The following CREBBP variants were observed in gnomAD, a reference collection of about 807,000 sequenced individuals.
The protein encoded by CREBBP is CREB binding lysine acetyltransferase, also known as CREB-binding protein.
Under a neutral mutation model 265.0 loss-of-function variants are expected in CREBBP, and 19 were observed. That is an observed-to-expected ratio of 0.07 (90% CI 0.05 to 0.11). The LOEUF is 0.11. Ranked by LOEUF, CREBBP falls within the 10% of genes least tolerant of loss-of-function variation. CREBBP has a pLI of 1.00. For missense variants in CREBBP, 2,525 were observed against 3,219.0 expected (o/e 0.78, Z 5.22); for synonymous variants, 1,457 against 1,223.7 (o/e 1.19, Z -3.98).
intron 6 of CREBBP, among the ~76,000 whole-genome samples, chr16:3,782,333 C>T (rs915601963): frequency 6.6e-6 from 1 of 152,170 alleles, no homozygotes; most frequent in Non-Finnish European, 1.5e-5. Context: ...CTGGCAAACA[C>T]AAGTACTCCA....
chr16:3,739,613 T>G lies in CREBBP; in HGVS notation c.4245A>C (p.Gln1415His). 6.2e-7 allele frequency: 1 copy of G among 1,614,244 alleles called. No individual in the cohort carries two copies. The highest frequency in any genetic ancestry group is 8.5e-7 in the Non-Finnish European group (1 of 1,180,048). Residue 1415 changes from glutamine (Q) to histidine (H), a missense_variant, in exon 25 of 31, where the codon CAA (glutamine) becomes CAC (histidine). Around this residue, in one of 19 missense-constraint regions of CREBBP, gnomAD observed 252 missense variants for 452.5 expected, o/e 0.56. Coordinates refer to ENST00000262367, the MANE Select transcript of CREBBP (RefSeq NM_004380.3). ...VDVCFFGMHV[Q>H]EYGSDCPPPN... ...GAGGGGGGCAATCAGAGCCGTATTC[T>G]TGGACGTGCATTCCAAAAAAGCAGA... is the stretch of plus-strand genomic sequence containing the variant.
chr16:3,843,785 G>A (rs1212056798), intron 2 of CREBBP, among the ~76,000 whole-genome samples: 1 of 151,888 alleles, frequency 6.6e-6, no homozygotes, highest in Non-Finnish European at 1.5e-5. Flanking sequence ...TCACTGTAAG[G>A]GTGAAGTCTC....
intron 16 of CREBBP, among the ~76,000 whole-genome samples, chr16:3,761,380 A>G (rs2052713831): frequency 6.6e-6 from 1 of 152,176 alleles, no homozygotes; most frequent in Non-Finnish European, 1.5e-5. Context: ...CCTGCCATCA[A>G]TTCTGTGTGG....
chr16:3,781,346 T>C (rs1567308424), intron 6 of CREBBP, 40 bp from the exon 7 acceptor site: 1 of 1,505,518 alleles, frequency 6.6e-7, no homozygotes, highest in Admixed American at 1.7e-5. Flanking sequence ...AGTTAAATTT[T>C]AATATATACT....
At chr16:3,777,587 A>G (rs1025783596) in intron 11 of CREBBP, 26 bp downstream of exon 11, 1 of 1,613,076 alleles carries the variant, frequency 6.2e-7, no homozygotes, top group South Asian at 1.1e-5. Flanking sequence ...AAACTAAAAT[A>G]TGATTCACCA....
chr16:3,848,449 T>C (rs1449656775), intron 2 of CREBBP, among the ~76,000 whole-genome samples: 3 of 152,214 alleles, frequency 2.0e-5, no homozygotes, highest in African/African-American at 4.8e-5. Flanking sequence ...AAGAACACAG[T>C]AGATCTAGTT....
Position 3,868,136 on chromosome 16 carries a change from C to A in CREBBP, c.85+11696G>T, listed in dbSNP as rs563946388. On this transcript the variant is annotated intron_variant, in intron 1 of 30. Coordinates refer to ENST00000262367, the MANE Select transcript of CREBBP (RefSeq NM_004380.3). ...TAGAATACGTAAGAAACAGCTAACA[C>A]TGGTTGCCTATGGGGAGGGGAATGA... Among the ~76,000 whole-genome samples, 3 of 152,250 alleles carry A rather than the reference C, an allele frequency of 2.0e-5. No homozygotes were observed. The South Asian group carries it at 6.2e-4, about 32-fold the overall frequency.
Position 3,759,588 on chromosome 16 carries a change from C to CAAAAAA in CREBBP, c.3251-622_3251-617dup, listed in dbSNP as rs879293877. On this transcript the variant is annotated intron_variant, in intron 16 of 30. Coordinates refer to ENST00000262367, the MANE Select transcript of CREBBP (RefSeq NM_004380.3). ...GACAACAAGAGCAAAACTCTGTCTC[C>CAAAAAA]AAAAAAAAAAGACCATTTCATTGGA... Among the ~76,000 whole-genome samples the CAAAAAA allele has an allele frequency of 5.4e-5, 7 of 129,500 alleles. No individual in the cohort carries two copies. The South Asian group carries it at 1.2e-3, about 22-fold the overall frequency. 85.0% of individuals were successfully genotyped at this position (129,500 alleles called of 152,430 possible).
chr16:3,863,106 A>G (rs2055110272), intron 1 of CREBBP, among the ~76,000 whole-genome samples: 1 of 152,230 alleles, frequency 6.6e-6, no homozygotes, highest in Non-Finnish European at 1.5e-5. Flanking sequence ...TCAGAAGGGA[A>G]ATACTGATTT....
chr16:3,853,550 C>G (rs936026862), intron 1 of CREBBP, among the ~76,000 whole-genome samples: 4 of 151,956 alleles, frequency 2.6e-5, no homozygotes, highest in African/African-American at 9.7e-5. Flanking sequence ...GCAGAGCTTG[C>G]AGTGAGCCAA....
intron 5 of CREBBP, among the ~76,000 whole-genome samples, chr16:3,790,172 A>G (rs767069431): frequency 2.0e-5 from 3 of 152,182 alleles, no homozygotes; most frequent in Non-Finnish European, 2.9e-5. Flanking sequence ...ACAATATACT[A>G]AAGAAAAAAC....
chr16:3,732,080 G>A, intron 28 of CREBBP, 143 bp from the exon 29 acceptor site: 1 of 1,449,058 alleles, frequency 6.9e-7, no homozygotes, highest in Non-Finnish European at 9.6e-7. Flanking sequence ...AACGGCTACA[G>A]GTGGCTGTAG....
intron 1 of CREBBP, 29 bp downstream of exon 1, chr16:3,879,803 G>A: frequency 1.3e-6 from 2 of 1,556,372 alleles, no homozygotes; most frequent in African/African-American, 1.4e-5. Flanking sequence ...CGCGCCCCGG[G>A]CCCCCGCCGC....
At chr16:3,861,487 T>A (rs535535841) in intron 1 of CREBBP, among the ~76,000 whole-genome samples, 2 of 152,160 alleles carry the variant, frequency 1.3e-5, no homozygotes, top group South Asian at 2.1e-4. Context: ...CACTCCAGGG[T>A]TGGTACAGAG....
rs780854046 is a variant in CREBBP at position 3,728,624 on chromosome 16, G to A, written c.6423C>T (p.Asn2141=). The change falls in exon 31 of 31, where the codon AAC becomes AAT. Residue 2141 remains asparagine (N), a synonymous_variant. Transcript: ENST00000262367. This position sits in a 1 kb window ranked among gnomAD's most constrained non-coding sequence, Gnocchi z 8.7. Reference sequence around the variant, plus strand: ...GCACGCCAGCCTGCATGGCATTCAGGTTCTGCAGGCTGGGCTGCTGGTGCA... The same window carrying A: ...GCACGCCAGCCTGCATGGCATTCAGATTCTGCAGGCTGGGCTGCTGGTGCA... ...PGMHQQPSLQ[N]LNAMQAGVPR... is the part of the protein sequence containing the mutation. 1.2e-6 allele frequency: 2 copies of A among 1,613,634 alleles called. No homozygotes were observed. Among genetic ancestry groups the A allele is most frequent in the African/African-American group, 1.3e-5 (1 of 75,018 alleles).
chr16:3,827,046 TGA>T (rs2054250897), intron 2 of CREBBP, among the ~76,000 whole-genome samples: 2 of 152,208 alleles, frequency 1.3e-5, no homozygotes, highest in African/African-American at 4.8e-5. Context: ...TTTCATCTAC[TGA>T]GAAAGTTGAG....
intron 19 of CREBBP, among the ~76,000 whole-genome samples, chr16:3,752,241 A>G (rs1326683636): frequency 6.6e-6 from 1 of 152,214 alleles, no homozygotes; most frequent in Non-Finnish European, 1.5e-5. Flanking sequence ...AGAGAAAGTC[A>G]AATATAACTC....
chr16:3,742,024 T>C (rs2052225554), intron 23 of CREBBP: 2 of 151,772 alleles, frequency 1.3e-5, no homozygotes, highest in Admixed American at 1.3e-4. Flanking sequence ...GAGCTTGCAG[T>C]GAGCCGACAT....
Position 3,771,095 on chromosome 16 carries a change from T to C in CREBBP, c.2464-109A>G. The C allele has an allele frequency of 3.4e-6, 4 of 1,193,430 alleles. No individual in the cohort carries two copies. In the South Asian group the frequency reaches 3.9e-5, roughly 12 times the overall value. 73.9% of individuals were successfully genotyped at this position (1,193,430 alleles called of 1,614,324 possible). ...AAAAAAATTTTTTTTTTTGAGACAG[T>C]TTCACTCTTGTCGCCCAGGCTGCAA... is the stretch of plus-strand genomic sequence containing the variant. On this transcript the variant is annotated intron_variant, in intron 13 of 30. Coordinates refer to ENST00000262367, the MANE Select transcript of CREBBP (RefSeq NM_004380.3).
Sources: allele counts gnomAD v4.1 joint callset (sites outside exome capture counted in the v4.1 genomes callset), GRCh38; gene constraint gnomAD v4.1.1; regional missense constraint gnomAD v4.1.1; non-coding constraint Gnocchi (gnomAD v3.1); transcripts MANE v1.5; gene names NCBI Gene and HGNC (gene_info 2026-07-23, HGNC 2026-07-21).